Variants in MCC observed in about 807,000 individuals in gnomAD.
MCC encodes the protein colorectal mutant cancer protein.
Under a neutral mutation model 116.2 loss-of-function variants are expected in MCC, and 90 were observed. The ratio of observed to expected loss-of-function variants is 0.77; its 90% CI spans 0.65 to 0.92. The LOEUF (loss-of-function observed/expected upper bound fraction) is 0.92. Among genes scored for constraint, MCC ranks in the 40% least tolerant of loss-of-function variants. MCC has a pLI of 0.00. For missense variants in MCC, 1,516 were observed against 1,312.2 expected (o/e 1.16, Z -2.40); for synonymous variants, 578 against 510.5 (o/e 1.13, Z -1.78).
intron 5 of MCC, among the ~76,000 whole-genome samples, chr5:113,140,103 T>C (rs980472990): frequency 3.3e-5 from 5 of 152,230 alleles, no homozygotes; most frequent in Non-Finnish European, 7.3e-5. Context: ...TAATGGAATC[T>C]TACAAATCTT....
chr5:113,058,438 T>C (rs1030917067), intron 14 of MCC, among the ~76,000 whole-genome samples: 2 of 152,130 alleles, frequency 1.3e-5, no homozygotes, highest in African/African-American at 2.4e-5. Flanking sequence ...ACTCTGGAGG[T>C]GGAGCCCAGC....
intron 6 of MCC, among the ~76,000 whole-genome samples, chr5:113,108,863 G>C (rs1756912303): frequency 6.6e-6 from 1 of 152,226 alleles, no homozygotes; most frequent in African/African-American, 2.4e-5. Flanking sequence ...ACAAACTCCA[G>C]TTTGTGCTGC....
intron 3 of MCC, among the ~76,000 whole-genome samples, chr5:113,187,362 G>A (rs1761943719): frequency 6.6e-6 from 1 of 152,078 alleles, no homozygotes; most frequent in African/African-American, 2.4e-5. Context: ...GCCTGCCTCG[G>A]CTTCCCAAAG....
intron 3 of MCC, among the ~76,000 whole-genome samples, chr5:113,186,417 G>A (rs1385467858): frequency 6.6e-6 from 1 of 152,090 alleles, no homozygotes; most frequent in Non-Finnish European, 1.5e-5. Context: ...CCCAAGGCCC[G>A]CAGCAGCCAT....
chr5:113,426,533 CTCTT>C (rs1770489902), intron 1 of MCC, among the ~76,000 whole-genome samples: 1 of 152,312 alleles, frequency 6.6e-6, no homozygotes, highest in East Asian at 1.9e-4. Flanking sequence ...TTCCTACTTT[CTCTT>C]TCTATGTTCT....
intron 1 of MCC, chr5:113,437,187 A>G (rs1489378909): frequency 1.3e-5 from 2 of 152,170 alleles, no homozygotes; most frequent in South Asian, 2.1e-4. Context: ...TTTGGTCCCA[A>G]TGCTGTTTTC....
intron 3 of MCC, among the ~76,000 whole-genome samples, chr5:113,202,481 C>T (rs1461149322): frequency 4.6e-5 from 7 of 152,242 alleles, no homozygotes; most frequent in South Asian, 2.1e-4. Flanking sequence ...TTCGACAATA[C>T]GTACATAGTT....
chr5:113,266,602 G>C (rs961293126), intron 3 of MCC, among the ~76,000 whole-genome samples: 2 of 152,140 alleles, frequency 1.3e-5, no homozygotes, highest in African/African-American at 4.8e-5. Flanking sequence ...GTGATGGGGA[G>C]AACTCCTACG....
chr5:113,141,104 A>T (rs540950691), intron 5 of MCC, among the ~76,000 whole-genome samples: 62 of 152,240 alleles, frequency 4.1e-4, no homozygotes, highest in African/African-American at 1.4e-3. Flanking sequence ...AAGGAAGAGA[A>T]AAGACAAATT....
At chr5:113,226,555 G>A (rs1229414946) in intron 3 of MCC, among the ~76,000 whole-genome samples, 1 of 152,192 alleles carries the variant, frequency 6.6e-6, no homozygotes, top group African/African-American at 2.4e-5. Context: ...CACAACATCT[G>A]GAAGTAACTA....
intron 3 of MCC, among the ~76,000 whole-genome samples, chr5:113,179,995 G>C (rs147475293): frequency 4.6e-5 from 7 of 152,222 alleles, no homozygotes; most frequent in African/African-American, 7.2e-5. Context: ...AGCTTCAGAC[G>C]ATGTGCTAAA....
At chr5:113,114,179 G>C (rs1757267116) in intron 6 of MCC, among the ~76,000 whole-genome samples, 1 of 152,178 alleles carries the variant, frequency 6.6e-6, no homozygotes, top group African/African-American at 2.4e-5. Context: ...ATTAAGATGA[G>C]TGGTTTATGG....
chr5:113,307,867 T>A (rs1767026032), intron 3 of MCC, among the ~76,000 whole-genome samples: 1 of 152,196 alleles, frequency 6.6e-6, no homozygotes, highest in African/African-American at 2.4e-5. Flanking sequence ...TAAATGCAAG[T>A]CAAGGTGTCT....
chr5:113,090,933 G>C (rs894204562), intron 8 of MCC, among the ~76,000 whole-genome samples: 1 of 152,238 alleles, frequency 6.6e-6, no homozygotes, highest in African/African-American at 2.4e-5. Context: ...GGCTGAAGGA[G>C]TTGCCAGGAG....
intron 17 of MCC, among the ~76,000 whole-genome samples, chr5:113,042,778 T>TA (rs570675112): frequency 1.3e-5 from 2 of 150,738 alleles, no homozygotes; most frequent in African/African-American, 2.4e-5. Context: ...AAAACTTGGT[T>TA]AAAAAAAAAT....
intron 3 of MCC, among the ~76,000 whole-genome samples, chr5:113,189,648 G>A (rs1036325139): frequency 5.3e-5 from 8 of 152,202 alleles, no homozygotes; most frequent in African/African-American, 1.4e-4. Context: ...TCAACTGAGC[G>A]GATCAAAATA....
intron 3 of MCC, among the ~76,000 whole-genome samples, chr5:113,215,288 G>A (rs1763271132): frequency 6.6e-6 from 1 of 152,190 alleles, no homozygotes; most frequent in Non-Finnish European, 1.5e-5. Flanking sequence ...CTTGGTGGGG[G>A]GAGGAAAGGG....
intron 1 of MCC, among the ~76,000 whole-genome samples, chr5:113,452,392 T>C (rs1771427340): frequency 6.6e-6 from 1 of 152,198 alleles, no homozygotes; most frequent in South Asian, 2.1e-4. Context: ...GTGAGGCCTT[T>C]GGGAGGTGAT....
chr5:113,240,884 G>C (rs1764338768), intron 3 of MCC, among the ~76,000 whole-genome samples: 1 of 152,160 alleles, frequency 6.6e-6, no homozygotes, highest in Non-Finnish European at 1.5e-5. Context: ...AAGGAGCTGG[G>C]TACTAGGCGA....
Sources: allele counts gnomAD v4.1 joint callset (sites outside exome capture counted in the v4.1 genomes callset), GRCh38; gene constraint gnomAD v4.1.1; transcripts MANE v1.5; gene names NCBI Gene and HGNC (gene_info 2026-07-23, HGNC 2026-07-21).